The following GRIN1 variants were observed in gnomAD, a reference collection of about 807,000 sequenced individuals.
The protein encoded by GRIN1 is glutamate receptor ionotropic, NMDA 1.
GRIN1 carries 38 observed loss-of-function variants against 103.0 expected under a neutral mutation model. The observed-to-expected ratio is 0.37, with a 90% CI of 0.28 to 0.48. The LOEUF (loss-of-function observed/expected upper bound fraction) is 0.48, where lower values mean the gene tolerates loss of function less well. Ranked by LOEUF, GRIN1 falls within the 20% of genes least tolerant of loss-of-function variation. GRIN1 has a pLI of 0.98. For missense variants in GRIN1, 577 were observed against 1,288.9 expected (o/e 0.45, Z 8.46); for synonymous variants, 544 against 532.7 (o/e 1.02, Z -0.29).
At position 137,163,873 on chromosome 9, in the gene GRIN1, C is replaced by T; in HGVS notation, c.2558C>T (p.Ala853Val). Residue 853 changes from alanine to valine, a missense_variant, in exon 18 of 20, where the codon GCC (alanine) becomes GTC (valine). By Grantham distance (64) the Ala-to-Val change is moderately conservative. This residue lies in a region of GRIN1 where 68 missense variants were observed against 113.0 expected (regional missense o/e 0.60). Coordinates refer to ENST00000371561, the MANE Select transcript of GRIN1 (RefSeq NM_007327.4). ...CGGAAGCAGATGCAGCTGGCCTTTG[C>T]CGCCGTTAACGTGTGGCGGAAGAAC... is the stretch of plus-strand genomic sequence containing the variant. Reference protein sequence around the residue: ...ARRKQMQLAFAAVNVWRKNLQ... With the variant: ...ARRKQMQLAFVAVNVWRKNLQ... 6.2e-7 allele frequency: 1 copy of T among 1,612,992 alleles called. No homozygotes were observed. The highest frequency in any genetic ancestry group is 8.5e-7 in the Non-Finnish European group (1 of 1,179,936).
chr9:137,161,734 G>A (rs1037751794), intron 10 of GRIN1, among the ~76,000 whole-genome samples, 190 bp from the exon 11 acceptor site: 34 of 149,428 alleles, frequency 2.3e-4, no homozygotes, highest in Admixed American at 2.3e-3. Context: ...TGCTGGCTGT[G>A]GTGGGGCCCG....
chr9:137,159,281 A>G (rs780626424), intron 8 of GRIN1, among the ~76,000 whole-genome samples: 2 of 151,916 alleles, frequency 1.3e-5, no homozygotes. Flanking sequence ...CCCCCACTCC[A>G]CACACACTCC....
chr9:137,161,308 G>C lies in GRIN1; in HGVS notation c.1359G>C (p.Gln453His), dbSNP rs1374644440. The change falls in exon 10 of 20, where the codon CAG (glutamine) becomes CAC (histidine). Residue 453 changes from glutamine (Q) to histidine (H), a missense_variant. Around this residue, in one of 9 missense-constraint regions of GRIN1, gnomAD observed 96 missense variants for 145.0 expected, o/e 0.66. Transcript: ENST00000371561. ...SPGSPRHTVPQCCYGFCIDLL... is the reference protein window; with the variant it reads ...SPGSPRHTVPHCCYGFCIDLL... ...ACCCAGCCCGCCACACGGTGCCTCAGTGTTGCTACGGCTTTTGCATCGACC... is the reference window on the plus strand; with the variant it reads ...ACCCAGCCCGCCACACGGTGCCTCACTGTTGCTACGGCTTTTGCATCGACC... The C allele has an allele frequency of 6.2e-7, 1 of 1,612,624 alleles. No homozygotes were observed. Among genetic ancestry groups the C allele is most frequent in the Admixed American group, 1.7e-5 (1 of 60,014 alleles).
chr9:137,158,386 A>G lies in GRIN1; in HGVS notation c.976A>G (p.Met326Val), dbSNP rs1336721730. ...CTATGCTTCCTTCCCTAGAGTGCTG[A>G]TGTCTTCCAAGTATGCGGATGGGGT... ...KTGPLFKRVLMSSKYADGVTG... is the reference protein window; with the variant it reads ...KTGPLFKRVLVSSKYADGVTG... The change falls in exon 7 of 20, where the codon ATG becomes GTG. Residue 326 changes from methionine (M) to valine (V), a missense_variant. By Grantham distance (21) the Met-to-Val change is conservative (BLOSUM62 1). Coordinates refer to ENST00000371561, the MANE Select transcript of GRIN1 (RefSeq NM_007327.4). The G allele has an allele frequency of 1.2e-6, 2 of 1,613,360 alleles. No individual in the cohort carries two copies. Among genetic ancestry groups the G allele is most frequent in the African/African-American group, 1.3e-5 (1 of 74,912 alleles).
At chr9:137,163,095 A>T in intron 15 of GRIN1, 74 bp from the exon 16 acceptor site, 1 of 1,582,624 alleles carries the variant, frequency 6.3e-7, no homozygotes, top group South Asian at 1.1e-5. Flanking sequence ...CGGGCCGGGC[A>T]CCCCGGAGGG....
intron 6 of GRIN1, 81 bp from the exon 7 acceptor site, chr9:137,158,298 G>A: frequency 1.4e-6 from 2 of 1,479,330 alleles, no homozygotes; most frequent in Non-Finnish European, 1.9e-6. Context: ...AAGGAGCAGG[G>A]AGAAGCAGCA....
intron 19 of GRIN1, among the ~76,000 whole-genome samples, chr9:137,166,952 C>A (rs970912820): frequency 2.0e-5 from 3 of 152,200 alleles, no homozygotes; most frequent in Admixed American, 2.0e-4. Flanking sequence ...TGATGGGCCA[C>A]TTTCAGAGGG....
intron 6 of GRIN1, among the ~76,000 whole-genome samples, chr9:137,157,799 GCACA>G (rs1475950145): frequency 6.6e-6 from 1 of 152,230 alleles, no homozygotes; most frequent in Admixed American, 6.5e-5. Context: ...CAGCACGTGT[GCACA>G]CACACGACAC....
chr9:137,161,533 G>C lies in GRIN1; in HGVS notation c.1467+117G>C, dbSNP rs1447709753. Reference sequence around the variant, plus strand: ...ATGGTGGGGGGTCCTGGGGTGAGTGGGGCATGGAGTGAGCGGAGCCTGCGG... The same window carrying C: ...ATGGTGGGGGGTCCTGGGGTGAGTGCGGCATGGAGTGAGCGGAGCCTGCGG... On this transcript the variant is annotated intron_variant, in intron 10 of 19. Transcript: ENST00000371561. 5.9e-6 allele frequency: 6 copies of C among 1,021,570 alleles called. No homozygotes were observed. In the African/African-American group the frequency reaches 9.6e-5, roughly 16 times the overall value. The allele number at this position is 1,021,570 out of a possible 1,614,324, so 63.3% of individuals were successfully genotyped here.
chr9:137,158,455 G>T lies in GRIN1; in HGVS notation c.1045G>T (p.Ala349Ser), dbSNP rs148008303. The change falls in exon 7 of 20, where the codon GCC becomes TCC. Residue 349 changes from alanine to serine, a missense_variant. Physicochemically the swap from Ala to Ser is moderately conservative, Grantham distance 99. Coordinates refer to ENST00000371561, the MANE Select transcript of GRIN1 (RefSeq NM_007327.4). ...EFNEDGDRKF[A>S]NYSIMNLQNR... is the part of the protein sequence containing the mutation. Reference sequence around the variant, plus strand: ...CAATGAGGATGGGGACCGGAAGTTCGCCAACTACAGCATCATGAACCTGCA... The same window carrying T: ...CAATGAGGATGGGGACCGGAAGTTCTCCAACTACAGCATCATGAACCTGCA... The T allele has an allele frequency of 9.9e-5, 160 of 1,613,368 alleles. No individual in the cohort carries two copies. The highest frequency in any genetic ancestry group is 2.2e-4 in the Admixed American group (13 of 59,998).
chr9:137,158,753 T>G (rs1486094692), intron 8 of GRIN1, 49 bp downstream of exon 8: 1 of 1,342,074 alleles, frequency 7.5e-7, no homozygotes, highest in Admixed American at 1.7e-5. Flanking sequence ...AGACAGCCCA[T>G]CCACCCCCTC....
At chr9:137,157,063 G>A (rs754671565) in intron 6 of GRIN1, 26 bp downstream of exon 6, 1 of 1,589,934 alleles carries the variant, frequency 6.3e-7, no homozygotes, top group Non-Finnish European at 8.6e-7. Flanking sequence ...CCGGAGCTGG[G>A]CGGGGCTGCT....
Position 137,151,899 on chromosome 9 carries a change from C to CTTTTT in GRIN1, c.671+2807_671+2811dup, listed in dbSNP as rs138380793. ...CAGACTGGTCTCGAACTTGTGGCCT[C>CTTTTT]TTTTTTTTTTTTTTTTTTTTTCTTT... is the stretch of plus-strand genomic sequence containing the variant. On this transcript the variant is annotated intron_variant, in intron 4 of 19. Transcript: ENST00000371561. 4.7e-4 allele frequency among the ~76,000 whole-genome samples: 44 copies of CTTTTT among 93,464 alleles called. 2 individuals are homozygous for CTTTTT. The highest frequency in any genetic ancestry group is 7.2e-4 in the African/African-American group (16 of 22,324). The allele number at this position is 93,464 out of a possible 152,430, so 61.3% of individuals were successfully genotyped here.
chr9:137,161,221 G>A (rs1461637397), intron 9 of GRIN1, 24 bp downstream of exon 9: 1 of 1,605,528 alleles, frequency 6.2e-7, no homozygotes, highest in Non-Finnish European at 8.5e-7. Context: ...GCAGGGCGCG[G>A]GGCGCGGGGC....
rs377498765 is a variant in GRIN1 at position 137,159,768 on chromosome 9, C to T, written c.1197+1064C>T. Among the ~76,000 whole-genome samples, 362 of 152,366 alleles carry T rather than the reference C, an allele frequency of 2.4e-3. 6 individuals are homozygous for T. In the South Asian group the frequency reaches 0.046, roughly 20 times the overall value. On this transcript the variant is annotated intron_variant, in intron 8 of 19. Coordinates refer to ENST00000371561, the MANE Select transcript of GRIN1 (RefSeq NM_007327.4). ...AAGCAAATCAACTTCTTCAATGGCT[C>T]CTGATTCCCCTGGGGATAAAAGACA...
chr9:137,149,260 G>A (rs1408735012), intron 4 of GRIN1, 151 bp downstream of exon 4: 9 of 679,250 alleles, frequency 1.3e-5, no homozygotes, highest in South Asian at 4.7e-5. Flanking sequence ...ACCCCCACCC[G>A]CACCCACACT....
Position 137,168,755 on chromosome 9 carries a change from C to T in GRIN1, c.*1228C>T. 3 of 891,826 alleles carry T rather than the reference C, an allele frequency of 3.4e-6. No homozygotes were observed. The highest frequency in any genetic ancestry group is 4.4e-6 in the Non-Finnish European group (3 of 686,860). The allele number at this position is 891,826 out of a possible 1,614,324, so 55.2% of individuals were successfully genotyped here. On this transcript the variant is annotated 3_prime_UTR_variant, in exon 20 of 20. Transcript: ENST00000371561. ...TGGTGATGCCTAAAGGAATGTCACG[C>T]AGTTTTCGGTCTGTGTCGCTTGTTG...
chr9:137,162,210 G>C lies in GRIN1; in HGVS notation c.1671G>C (p.Pro557=), dbSNP rs1348812038. 1.9e-6 allele frequency: 3 copies of C among 1,544,422 alleles called. No individual in the cohort carries two copies. Among genetic ancestry groups the C allele is most frequent in the Non-Finnish European group, 1.7e-6 (2 of 1,149,318 alleles). The change falls in exon 12 of 20, where the codon CCG becomes CCC. Residue 557 remains proline (P), a synonymous_variant. Coordinates refer to ENST00000371561, the MANE Select transcript of GRIN1 (RefSeq NM_007327.4). The part of the protein sequence containing the change: ...PRSTLDSFMQ[P]FQSTLWLLVG... ...GCACGCTGGACTCGTTCATGCAGCC[G>C]TTCCAGAGCACACTGTGGCTGCTGG...
At chr9:137,145,317 G>A (rs2131214166) in intron 2 of GRIN1, among the ~76,000 whole-genome samples, 1 of 117,452 alleles carries the variant, frequency 8.5e-6, no homozygotes, top group South Asian at 3.3e-4. Flanking sequence ...GTGGGGACAG[G>A]AGTGAGAGGA....
Sources: gnomAD v4.1 joint callset for allele counts (sites outside exome capture counted in the v4.1 genomes callset) on GRCh38, gnomAD v4.1.1 for gene constraint, gnomAD v4.1.1 regional missense constraint, MANE v1.5 for transcripts, NCBI Gene and HGNC (gene_info 2026-07-23, HGNC 2026-07-21) for gene names.